The following DPP10 variants were observed in gnomAD, a reference collection of about 807,000 sequenced individuals.
DPP10 encodes the protein inactive dipeptidyl peptidase 10.
Under a neutral mutation model 120.9 loss-of-function variants are expected in DPP10, and 33 were observed. That is an observed-to-expected ratio of 0.27 (90% CI 0.21 to 0.37). The LOEUF (loss-of-function observed/expected upper bound fraction) is 0.37, where lower values mean the gene tolerates loss of function less well. DPP10 is among the 10% of genes least tolerant of loss of function. The pLI is 1.00. For synonymous variants in DPP10, 337 were observed against 326.1 expected (o/e 1.03, Z -0.36); for missense variants, 816 against 942.8 (o/e 0.87, Z 1.76).
In DPP10 at chr2:114,663,668, T is replaced by TAGAGAGAGAG. The variant is rs1553479098; in HGVS notation, c.60+220850_60+220859dup. ...ATATATATATATATATATATATATA[T>TAGAGAGAGAG]AGAGAGAGAGAGAGAGAGAGAGAGA... is the stretch of plus-strand genomic sequence containing the variant. On this transcript the variant is annotated intron_variant, in intron 1 of 25. Transcript: ENST00000410059. Among the ~76,000 whole-genome samples the TAGAGAGAGAG allele has an allele frequency of 2.1e-3, 168 of 80,680 alleles. 1 individual carries two copies. Among genetic ancestry groups the TAGAGAGAGAG allele is most frequent in the African/African-American group, 5.6e-3 (60 of 10,636 alleles). The allele number at this position is 80,680 out of a possible 152,430, so 52.9% of individuals were successfully genotyped here.
chr2:114,988,917 T>A (rs977922100), intron 1 of DPP10, among the ~76,000 whole-genome samples: 2 of 151,726 alleles, frequency 1.3e-5, no homozygotes, highest in African/African-American at 4.8e-5. Context: ...TGAATTCGAA[T>A]GCAAAGATAT....
intron 5 of DPP10, among the ~76,000 whole-genome samples, chr2:115,595,516 A>C (rs2082933944): frequency 6.6e-6 from 1 of 152,122 alleles, no homozygotes; most frequent in Non-Finnish European, 1.5e-5. Flanking sequence ...CATTACTGCA[A>C]CACAAAGGCC....
intron 21 of DPP10, among the ~76,000 whole-genome samples, chr2:115,819,084 A>T (rs1162795775): frequency 6.6e-6 from 1 of 152,238 alleles, no homozygotes; most frequent in Non-Finnish European, 1.5e-5. Context: ...TGCTAACCTC[A>T]TAAAACGGGT....
intron 5 of DPP10, among the ~76,000 whole-genome samples, chr2:115,560,106 CT>C (rs1043061777): frequency 6.6e-6 from 1 of 151,598 alleles, no homozygotes; most frequent in Non-Finnish European, 1.5e-5. Context: ...GTGTTCATTA[CT>C]TTTTTAAGAT....
intron 19 of DPP10, among the ~76,000 whole-genome samples, chr2:115,803,635 A>G (rs1035206598): frequency 3.3e-4 from 51 of 152,298 alleles, no homozygotes; most frequent in Admixed American, 7.8e-4. Context: ...TGGTGGTGAC[A>G]AAATCTCTCA....
chr2:114,627,384 T>C (rs927516738), intron 1 of DPP10, among the ~76,000 whole-genome samples: 1 of 152,136 alleles, frequency 6.6e-6, no homozygotes, highest in South Asian at 2.1e-4. Flanking sequence ...TTCTCTTCTT[T>C]TGTAAATCAT....
intron 1 of DPP10, among the ~76,000 whole-genome samples, chr2:115,236,578 T>C (rs2058020596): frequency 1.3e-5 from 2 of 152,210 alleles, no homozygotes; most frequent in Non-Finnish European, 2.9e-5. Context: ...CTGGAAGGGC[T>C]GGGCAGCAGA....
chr2:114,455,156 TTGTGTGTGTGTGTG>T (rs141717813), intron 1 of DPP10, among the ~76,000 whole-genome samples: 2 of 147,392 alleles, frequency 1.4e-5, no homozygotes, highest in Admixed American at 1.4e-4. Flanking sequence ...TTTCTTTCTA[TTGTGTGTGTGTGTG>T]TGTGTGTGTG....
intron 13 of DPP10, among the ~76,000 whole-genome samples, chr2:115,769,514 TGAAA>T (rs1681197247): frequency 6.6e-6 from 1 of 152,058 alleles, no homozygotes; most frequent in Non-Finnish European, 1.5e-5. Context: ...TAATTACGAC[TGAAA>T]GAAATAATTT....
At chr2:114,844,755 T>C (rs962966280) in intron 1 of DPP10, among the ~76,000 whole-genome samples, 3 of 151,964 alleles carry the variant, frequency 2.0e-5, no homozygotes, top group Non-Finnish European at 4.4e-5. Context: ...AACTTATATA[T>C]TTATATATTT....
At chr2:115,817,451 T>C (rs537032600) in intron 21 of DPP10, among the ~76,000 whole-genome samples, 1 of 152,248 alleles carries the variant, frequency 6.6e-6, no homozygotes, top group East Asian at 1.9e-4. Flanking sequence ...CAGGTGGGTG[T>C]ATAAAAAACC....
intron 1 of DPP10, among the ~76,000 whole-genome samples, chr2:114,698,646 C>G (rs956688839): frequency 9.9e-5 from 15 of 151,954 alleles, no homozygotes; most frequent in African/African-American, 3.6e-4. Context: ...GTCAGGAGAA[C>G]AAGGCTCAAT....
intron 1 of DPP10, among the ~76,000 whole-genome samples, chr2:114,464,487 T>A (rs1003597832): frequency 3.3e-5 from 5 of 152,208 alleles, no homozygotes; most frequent in African/African-American, 1.2e-4. Context: ...TAAAGAAATA[T>A]TTCAGATACA....
At chr2:115,172,319 G>A (rs905240042) in intron 1 of DPP10, among the ~76,000 whole-genome samples, 1 of 151,526 alleles carries the variant, frequency 6.6e-6, no homozygotes, top group Non-Finnish European at 1.5e-5. Context: ...GAGAGGCGGA[G>A]CTTGCAGTGA....
At chr2:115,053,047 G>A (rs1461825813) in intron 1 of DPP10, among the ~76,000 whole-genome samples, 1 of 151,882 alleles carries the variant, frequency 6.6e-6, no homozygotes, top group African/African-American at 2.4e-5. Flanking sequence ...AAATGATGCA[G>A]CCACTGTGGA....
chr2:115,346,740 CTG>C (rs1298038400), intron 3 of DPP10, among the ~76,000 whole-genome samples: 3 of 152,268 alleles, frequency 2.0e-5, no homozygotes, highest in Non-Finnish European at 2.9e-5. Context: ...TATTGAGACT[CTG>C]TGATCGATGC....
chr2:114,442,879 T>C (rs753954240), intron 1 of DPP10, 41 bp downstream of exon 1: 2 of 1,609,190 alleles, frequency 1.2e-6, no homozygotes, highest in African/African-American at 2.7e-5. Context: ...ACATGTGTCT[T>C]CATTCATCTA....
intron 3 of DPP10, among the ~76,000 whole-genome samples, chr2:115,469,892 AAAAAAAAG>A (rs1432968098): frequency 3.4e-5 from 5 of 148,748 alleles, no homozygotes; most frequent in Non-Finnish European, 6.0e-5. Context: ...GAGAAAAAAA[AAAAAAAAG>A]AAAAAAAAAA....
At chr2:115,224,459 T>G (rs1449110797) in intron 1 of DPP10, among the ~76,000 whole-genome samples, 1 of 152,078 alleles carries the variant, frequency 6.6e-6, no homozygotes, top group African/African-American at 2.4e-5. Context: ...CTAAGTTTCC[T>G]CATATAAGCG....
Sources: allele counts gnomAD v4.1 joint callset (sites outside exome capture counted in the v4.1 genomes callset), GRCh38; gene constraint gnomAD v4.1.1; transcripts MANE v1.5; gene names NCBI Gene and HGNC (gene_info 2026-07-23, HGNC 2026-07-21).